Variants in FAM13A observed in about 807,000 individuals in gnomAD.
The protein encoded by FAM13A is protein FAM13A.
A neutral mutation model predicts 129.6 loss-of-function variants in FAM13A; 76 were observed. That is an observed-to-expected ratio of 0.59 (90% CI 0.49 to 0.71). FAM13A has a LOEUF of 0.71. Among genes scored for constraint, FAM13A ranks in the 30% least tolerant of loss-of-function variants. The pLI, the probability that FAM13A is intolerant of heterozygous loss-of-function variation, is 0.00. For synonymous variants in FAM13A, 443 were observed against 449.9 expected, an observed-to-expected ratio of 0.98 and a Z score of 0.20; for missense variants, 1,108 against 1,249.3, an observed-to-expected ratio of 0.89 and a Z score of 1.70.
chr4:88,735,501 C>G (rs540579562), intron 21 of FAM13A, among the ~76,000 whole-genome samples: 1 of 152,174 alleles, frequency 6.6e-6, no homozygotes, highest in African/African-American at 2.4e-5. Context: ...CTTATGTTGG[C>G]TAGGAGAACT....
At chr4:88,856,343 G>T (rs1358023846) in intron 6 of FAM13A, among the ~76,000 whole-genome samples, 1 of 151,848 alleles carries the variant, frequency 6.6e-6, no homozygotes, top group East Asian at 1.9e-4. Context: ...AAATAGCCAG[G>T]CCTTGTAGAG....
chr4:88,768,497 GCA>G (rs1746140144), intron 11 of FAM13A: 1 of 156,146 alleles, frequency 6.4e-6, no homozygotes, highest in Non-Finnish European at 1.4e-5. Flanking sequence ...ATATACATAT[GCA>G]CACACACATT....
intron 3 of FAM13A, among the ~76,000 whole-genome samples, chr4:89,019,861 A>C (rs1292302240): frequency 3.3e-5 from 5 of 151,786 alleles, no homozygotes; most frequent in African/African-American, 1.2e-4. Context: ...AAATTATTTT[A>C]GGACTCAATC....
intron 4 of FAM13A, among the ~76,000 whole-genome samples, chr4:88,964,431 A>T (rs552499053): frequency 6.6e-6 from 1 of 152,104 alleles, no homozygotes; most frequent in Admixed American, 6.6e-5. Context: ...GATTAAAAAA[A>T]TATTATTAGG....
At chr4:88,881,641 C>T (rs982580700) in intron 6 of FAM13A, among the ~76,000 whole-genome samples, 1 of 151,752 alleles carries the variant, frequency 6.6e-6, no homozygotes, top group Non-Finnish European at 1.5e-5. Flanking sequence ...CTCTGAATTG[C>T]CAGAAAAAGA....
chr4:88,862,245 A>C (rs1206978513), intron 6 of FAM13A, among the ~76,000 whole-genome samples: 1 of 152,236 alleles, frequency 6.6e-6, no homozygotes, highest in African/African-American at 2.4e-5. Flanking sequence ...TTTTTATATA[A>C]TGTATATATA....
chr4:88,730,462 G>C (rs1450901224), intron 23 of FAM13A, among the ~76,000 whole-genome samples: 1 of 152,084 alleles, frequency 6.6e-6, no homozygotes, highest in Non-Finnish European at 1.5e-5. Flanking sequence ...GCGTGATCTC[G>C]GCTCACTGCA....
chr4:88,788,080 A>T, intron 9 of FAM13A, 148 bp from the exon 10 acceptor site: 1 of 570,230 alleles, frequency 1.8e-6, no homozygotes, highest in Non-Finnish European at 3.0e-6. Flanking sequence ...TGAGGCATTA[A>T]TCTAAAAAAT....
At chr4:88,740,542 AAG>A (rs1157432744) in intron 19 of FAM13A, among the ~76,000 whole-genome samples, 5 of 152,194 alleles carry the variant, frequency 3.3e-5, no homozygotes, top group African/African-American at 1.2e-4. Flanking sequence ...TCTTTGCTTC[AAG>A]TTAGCTGTTT....
At chr4:88,801,814 T>C (rs1023300621) in intron 8 of FAM13A, among the ~76,000 whole-genome samples, 1 of 151,960 alleles carries the variant, frequency 6.6e-6, no homozygotes, top group South Asian at 2.1e-4. Context: ...CATAGGACCA[T>C]GAAAGTGGTG....
intron 11 of FAM13A, among the ~76,000 whole-genome samples, chr4:88,771,907 G>C (rs1015759529): frequency 3.3e-5 from 5 of 152,162 alleles, no homozygotes; most frequent in Non-Finnish European, 7.4e-5. Flanking sequence ...ATAAACTCAA[G>C]TCTAAAAGAG....
At chr4:88,956,792 A>G (rs1158552268) in intron 4 of FAM13A, among the ~76,000 whole-genome samples, 1 of 152,136 alleles carries the variant, frequency 6.6e-6, no homozygotes, top group Non-Finnish European at 1.5e-5. Flanking sequence ...TCCTCTCACA[A>G]CACACCTTCT....
At chr4:89,022,403 T>C (rs1767394112) in intron 2 of FAM13A, among the ~76,000 whole-genome samples, 1 of 152,148 alleles carries the variant, frequency 6.6e-6, no homozygotes. Flanking sequence ...CACATATACA[T>C]ATTATTTGGC....
chr4:89,042,190 C>G (rs1001894153), intron 1 of FAM13A, among the ~76,000 whole-genome samples: 1 of 151,920 alleles, frequency 6.6e-6, no homozygotes, highest in Admixed American at 6.6e-5. Context: ...TGTTTTCTGC[C>G]TAGATCACAG....
intron 6 of FAM13A, among the ~76,000 whole-genome samples, chr4:88,869,032 A>G (rs897682416): frequency 6.6e-6 from 1 of 152,208 alleles, no homozygotes; most frequent in African/African-American, 2.4e-5. Flanking sequence ...TATGGAGCAC[A>G]CAGCAGGGCT....
intron 7 of FAM13A, among the ~76,000 whole-genome samples, chr4:88,826,730 A>G (rs1247383918): frequency 1.3e-5 from 2 of 152,108 alleles, no homozygotes; most frequent in Non-Finnish European, 2.9e-5. Flanking sequence ...ACTCCAGCAC[A>G]CATCTTGCCT....
chr4:88,728,584 C>T lies in FAM13A; in HGVS notation c.3021G>A (p.Arg1007=). 1 of 1,614,192 alleles carries T rather than the reference C, an allele frequency of 6.2e-7. No individual in the cohort carries two copies. Among genetic ancestry groups the T allele is most frequent in the East Asian group, 2.2e-5 (1 of 44,876 alleles). The change falls in exon 24 of 24, where the codon AGG becomes AGA. Residue 1007 remains arginine (R), a synonymous_variant. Transcript: ENST00000264344. Reference sequence around the variant, plus strand: ...TCTTGCTGATGAGCACCTCCAGGAGCCTCAGTTTCGCCTTTATGTGCTTAT... The same window carrying T: ...TCTTGCTGATGAGCACCTCCAGGAGTCTCAGTTTCGCCTTTATGTGCTTAT... The part of the protein sequence containing the change: ...SEYKHIKAKL[R]LLEVLISKRD...
At chr4:89,053,840 C>T (rs186239415) in intron 1 of FAM13A, among the ~76,000 whole-genome samples, 15 of 152,120 alleles carry the variant, frequency 9.9e-5, no homozygotes, top group African/African-American at 3.6e-4. Context: ...ATGCAAACTC[C>T]CACTTTCAGC....
chr4:88,768,171 C>T, intron 11 of FAM13A, 112 bp from the exon 12 acceptor site: 1 of 568,678 alleles, frequency 1.8e-6, no homozygotes, highest in Non-Finnish European at 3.2e-6. Context: ...TAAACTAATT[C>T]TAGTCCTCAT....
Sources: gnomAD v4.1 joint callset for allele counts (sites outside exome capture counted in the v4.1 genomes callset) on GRCh38, gnomAD v4.1.1 for gene constraint, MANE v1.5 for transcripts, NCBI Gene and HGNC (gene_info 2026-07-23, HGNC 2026-07-21) for gene names.